The following TTLL5 variants were observed in gnomAD, a reference collection of about 807,000 sequenced individuals.
TTLL5 encodes tubulin tyrosine ligase like 5.
In TTLL5, 132 loss-of-function variants were observed where a neutral mutation model predicts 168.4. The ratio of observed to expected loss-of-function variants is 0.78; its 90% CI spans 0.68 to 0.91. The LOEUF (loss-of-function observed/expected upper bound fraction) is 0.91, where lower values mean the gene tolerates loss of function less well. TTLL5 is among the 40% of genes least tolerant of loss of function. The pLI is 0.00. For missense variants in TTLL5, 1,545 were observed against 1,581.5 expected (o/e 0.98, Z 0.39); for synonymous variants, 546 against 558.6 (o/e 0.98, Z 0.32).
intron 3 of TTLL5, among the ~76,000 whole-genome samples, chr14:75,673,631 C>T (rs573604593): frequency 1.3e-5 from 2 of 152,342 alleles, no homozygotes; most frequent in African/African-American, 2.4e-5. Context: ...GTGAGGATTA[C>T]ATGAGCTCAT....
At chr14:75,702,987 C>G (rs1471424539) in intron 7 of TTLL5, among the ~76,000 whole-genome samples, 1 of 152,210 alleles carries the variant, frequency 6.6e-6, no homozygotes, top group African/African-American at 2.4e-5. Flanking sequence ...GTTGTTAATA[C>G]TCTTCTCTCT....
intron 28 of TTLL5, among the ~76,000 whole-genome samples, chr14:75,832,964 G>T (rs139597578): frequency 6.6e-6 from 1 of 152,094 alleles, no homozygotes; most frequent in Non-Finnish European, 1.5e-5. Context: ...AGGGCAGCAG[G>T]CTTGTCCATC....
chr14:75,664,981 T>C lies in TTLL5; in HGVS notation c.74+1758T>C, dbSNP rs77085576. On this transcript the variant is annotated intron_variant, in intron 2 of 31. Transcript: ENST00000298832. ...GACGATTGCAGATAGTTTGACCTAATATTATAGTAGGTACTTAGTAAATTC... is the reference window on the plus strand; with the variant it reads ...GACGATTGCAGATAGTTTGACCTAACATTATAGTAGGTACTTAGTAAATTC... Among the ~76,000 whole-genome samples the C allele has an allele frequency of 1.4e-4, 22 of 152,350 alleles. No homozygotes were observed. The East Asian group carries it at 4.2e-3, about 29-fold the overall frequency.
At chr14:75,733,465 TC>T (rs1043306476) in intron 13 of TTLL5, among the ~76,000 whole-genome samples, 4 of 152,106 alleles carry the variant, frequency 2.6e-5, no homozygotes, top group African/African-American at 9.7e-5. Context: ...TTTTTTTTTT[TC>T]TTTTTTTGCC....
In TTLL5 at chr14:75,733,891, A is replaced by G. The variant is rs188134312; in HGVS notation, c.1125-98A>G. 4.6e-5 allele frequency: 52 copies of G among 1,134,640 alleles called. No individual in the cohort carries two copies. The African/African-American group carries it at 6.6e-4, about 14-fold the overall frequency. The allele number at this position is 1,134,640 out of a possible 1,614,324, so 70.3% of individuals were successfully genotyped here. On this transcript the variant is annotated intron_variant, in intron 13 of 31. Transcript: ENST00000298832. ...GGGCTTTATGTGTTGCTCTTCATTG[A>G]CATTTGGAAACTTTGCTATATTGGG...
At chr14:75,836,739 A>G (rs938220921) in intron 28 of TTLL5, among the ~76,000 whole-genome samples, 1 of 152,208 alleles carries the variant, frequency 6.6e-6, no homozygotes, top group Non-Finnish European at 1.5e-5. Flanking sequence ...CAAATATATT[A>G]TACATACTGA....
intron 12 of TTLL5, among the ~76,000 whole-genome samples, chr14:75,721,563 A>G (rs1887837849): frequency 6.6e-6 from 1 of 152,182 alleles, no homozygotes; most frequent in Non-Finnish European, 1.5e-5. Context: ...TATGGGTTTT[A>G]GAGCCTAACA....
intron 31 of TTLL5, among the ~76,000 whole-genome samples, chr14:75,936,036 G>A (rs1421803418): frequency 6.6e-6 from 1 of 152,084 alleles, no homozygotes; most frequent in African/African-American, 2.4e-5. Context: ...AGTAATTTGA[G>A]TTTTCTGGTT....
chr14:75,875,379 TA>T (rs528772291), intron 29 of TTLL5, among the ~76,000 whole-genome samples: 59 of 140,684 alleles, frequency 4.2e-4, no homozygotes, highest in Non-Finnish European at 4.2e-4. Context: ...CCATCTCTAC[TA>T]AAAAAAAAAA....
At chr14:75,854,661 GCTCA>G (rs1470324218) in intron 28 of TTLL5, among the ~76,000 whole-genome samples, 1 of 152,154 alleles carries the variant, frequency 6.6e-6, no homozygotes, top group Non-Finnish European at 1.5e-5. Flanking sequence ...TGCTCTTCAT[GCTCA>G]CTAACATCTG....
chr14:75,777,126 A>G (rs556201169), intron 23 of TTLL5, among the ~76,000 whole-genome samples: 1 of 152,184 alleles, frequency 6.6e-6, no homozygotes, highest in Non-Finnish European at 1.5e-5. Flanking sequence ...AAAAGATTGT[A>G]TGGGTTTGGC....
intron 30 of TTLL5, among the ~76,000 whole-genome samples, chr14:75,888,553 AT>A (rs1167559001): frequency 6.6e-6 from 1 of 152,170 alleles, no homozygotes; most frequent in Non-Finnish European, 1.5e-5. Flanking sequence ...CCCTTGGCAA[AT>A]TTAGACCTTC....
Position 75,900,848 on chromosome 14 carries a change from C to T in TTLL5, c.3741-1294C>T, listed in dbSNP as rs563516229. 7.2e-5 allele frequency among the ~76,000 whole-genome samples: 11 copies of T among 152,378 alleles called. No homozygotes were observed. In the South Asian group the frequency reaches 1.9e-3, roughly 26 times the overall value. On this transcript the variant is annotated intron_variant, in intron 30 of 31. Coordinates refer to ENST00000298832, the MANE Select transcript of TTLL5 (RefSeq NM_015072.5). ...AAACCAGGTTCCCCTGCCTCGTTCT[C>T]ATAACACTGTGTGCTTTTTCTCTTT... is the stretch of plus-strand genomic sequence containing the variant.
chr14:75,713,852 G>A (rs1208638097), intron 9 of TTLL5, among the ~76,000 whole-genome samples: 3 of 151,956 alleles, frequency 2.0e-5, no homozygotes, highest in Non-Finnish European at 4.4e-5. Flanking sequence ...TTTTGAAACC[G>A]TTTTGAACTT....
At chr14:75,832,817 A>G (rs1306105102) in intron 28 of TTLL5, among the ~76,000 whole-genome samples, 1 of 152,212 alleles carries the variant, frequency 6.6e-6, no homozygotes. Flanking sequence ...GGTCCATTCC[A>G]GGCACTGTCT....
chr14:75,733,880 G>T, intron 13 of TTLL5, 109 bp from the exon 14 acceptor site: 1,074 of 797,744 alleles, frequency 1.3e-3, no homozygotes, highest in Non-Finnish European at 1.6e-3. Context: ...TTTATGTGTT[G>T]CTCTTCATTG....
chr14:75,801,034 G>A lies in TTLL5; in HGVS notation c.3171+7934G>A, dbSNP rs79015744. ...GCTGATACAAGCTTGCCCTAAGGTC[G>A]CCTTGGTTAAGTATTTGAGTGTCTC... On this transcript the variant is annotated intron_variant, in intron 27 of 31. Transcript: ENST00000298832. 6.6e-3 allele frequency among the ~76,000 whole-genome samples: 1,006 copies of A among 152,160 alleles called. 12 individuals carry two copies. Among genetic ancestry groups the A allele is most frequent in the African/African-American group, 0.023 (972 of 41,496 alleles).
intron 12 of TTLL5, among the ~76,000 whole-genome samples, chr14:75,730,969 C>T (rs762245271): frequency 6.6e-6 from 1 of 152,092 alleles, no homozygotes; most frequent in African/African-American, 2.4e-5. Context: ...CTGCCTGCCT[C>T]GGCCTCCCAA....
intron 20 of TTLL5, among the ~76,000 whole-genome samples, chr14:75,768,676 GATGA>G (rs1891105593): frequency 6.6e-6 from 1 of 152,116 alleles, no homozygotes; most frequent in Non-Finnish European, 1.5e-5. Flanking sequence ...AGTGCTATGG[GATGA>G]ATGAAGTTGA....
Sources: allele counts gnomAD v4.1 joint callset (sites outside exome capture counted in the v4.1 genomes callset), GRCh38; gene constraint gnomAD v4.1.1; transcripts MANE v1.5; gene names NCBI Gene and HGNC (gene_info 2026-07-23, HGNC 2026-07-21).